Variants in AKR1C3 observed in about 807,000 individuals in gnomAD.
AKR1C3 encodes the protein 3-alpha hydroxysteroid dehydrogenase, type II.
In AKR1C3, 48 loss-of-function variants were observed where a neutral mutation model predicts 43.6. That is an observed-to-expected ratio of 1.10 (90% CI 0.87 to 1.40). The LOEUF is 1.40. AKR1C3 is among the 40% of genes most tolerant of loss of function. The pLI, the probability that AKR1C3 is intolerant of heterozygous loss-of-function variation, is 0.00. For synonymous variants in AKR1C3, 162 were observed against 139.6 expected (o/e 1.16, Z -1.13); for missense variants, 482 against 391.2 (o/e 1.23, Z -1.96).
chr10:5,077,447 T>C (rs1470149747), intron 1 of AKR1C3, among the ~76,000 whole-genome samples: 1 of 151,854 alleles, frequency 6.6e-6, no homozygotes, highest in Non-Finnish European at 1.5e-5. Context: ...TGTGGGAAAC[T>C]GGAGTTCCAC....
chr10:5,104,415 ATT>A (rs1839445555), intron 7 of AKR1C3, among the ~76,000 whole-genome samples: 2 of 152,116 alleles, frequency 1.3e-5, no homozygotes, highest in Non-Finnish European at 2.9e-5. Flanking sequence ...TGAAACATTC[ATT>A]CACAAATAAT....
rs546443262 is a variant in AKR1C3 at position 5,086,462 on chromosome 10, C to A, written c.85-9948C>A. Among the ~76,000 whole-genome samples, 9 of 151,728 alleles carry A rather than the reference C, an allele frequency of 5.9e-5. No individual in the cohort carries two copies. In the South Asian group the frequency reaches 1.9e-3, roughly 32 times the overall value. On this transcript the variant is annotated intron_variant, in intron 1 of 8. Coordinates refer to the AKR1C3 transcript ENST00000439082. ...GAGACAGTTTGTTATAATTTCTGTT[C>A]TTTTACATTTGCTGAGGAGAGCTTT... is the stretch of plus-strand genomic sequence containing the variant.
intron 8 of AKR1C3, among the ~76,000 whole-genome samples, chr10:5,106,612 A>T (rs587638543): frequency 8.5e-5 from 13 of 152,228 alleles, no homozygotes; most frequent in Non-Finnish European, 1.5e-4. Flanking sequence ...TTAGCCAGGC[A>T]TGGTGACACT....
At chr10:5,099,489 C>A (rs782613157) in intron 5 of AKR1C3, 40 bp downstream of exon 5, 19 of 1,613,370 alleles carry the variant, frequency 1.2e-5, no homozygotes, top group Non-Finnish European at 1.4e-5. Flanking sequence ...GTTCTTCATG[C>A]CCCCTCTTCC....
At chr10:5,061,872 G>A (rs1320918804) in intron 1 of AKR1C3, among the ~76,000 whole-genome samples, 2 of 152,162 alleles carry the variant, frequency 1.3e-5, no homozygotes, top group Admixed American at 6.5e-5. Flanking sequence ...AAGACAAAAT[G>A]TCTTAAAGCC....
chr10:5,063,026 G>A (rs1838414317), intron 1 of AKR1C3, among the ~76,000 whole-genome samples: 1 of 152,140 alleles, frequency 6.6e-6, no homozygotes, highest in Non-Finnish European at 1.5e-5. Flanking sequence ...CAGGATGAAG[G>A]AGAGGAAATA....
At position 5,096,350 on chromosome 10, in the gene AKR1C3, T is replaced by G. The variant is rs1839206685; in HGVS notation, c.85-60T>G. 1.9e-6 allele frequency: 3 copies of G among 1,565,098 alleles called. No individual in the cohort carries two copies. The South Asian group carries it at 3.6e-5, about 19-fold the overall frequency. The stretch of plus-strand genomic sequence containing the variant: ...ATTCTTGTATAAAAGTCAATGCTTG[T>G]GCCTGAACTACCTCTCAGCCACAGT... On this transcript the variant is annotated intron_variant, in intron 1 of 8. Coordinates refer to ENST00000380554, the MANE Select transcript of AKR1C3 (RefSeq NM_003739.6).
chr10:5,067,385 C>T (rs1185450920), intron 1 of AKR1C3, among the ~76,000 whole-genome samples: 3 of 152,114 alleles, frequency 2.0e-5, no homozygotes, highest in African/African-American at 7.2e-5. Flanking sequence ...TTAAGGGCTC[C>T]AATGAGTGTA....
chr10:5,067,251 G>T (rs1354763678), intron 1 of AKR1C3, among the ~76,000 whole-genome samples: 1 of 152,050 alleles, frequency 6.6e-6, no homozygotes, highest in Non-Finnish European at 1.5e-5. Context: ...GCATAAGCAA[G>T]AAAAAATAAT....
Position 5,096,582 on chromosome 10 carries a change from T to C in AKR1C3, c.252+5T>C, listed in dbSNP as rs2131838710. ...GACATATTCTACACTTCAAAGGTAC[T>C]GTGTCTATGATGAGCTTGTGTGCAC... On this transcript the variant is annotated splice_donor_5th_base_variant and intron_variant, in intron 2 of 8. Coordinates refer to ENST00000380554, the MANE Select transcript of AKR1C3 (RefSeq NM_003739.6). 3 of 1,612,556 alleles carry C rather than the reference T, an allele frequency of 1.9e-6. No individual in the cohort carries two copies. The highest frequency in any genetic ancestry group is 4.5e-5 in the East Asian group (2 of 44,872).
intron 5 of AKR1C3, among the ~76,000 whole-genome samples, chr10:5,101,698 CA>C (rs1839354283): frequency 6.6e-6 from 1 of 152,186 alleles, no homozygotes; most frequent in African/African-American, 2.4e-5. Flanking sequence ...CAAACATCAC[CA>C]GTGACATTTC....
chr10:5,096,336 A>C, intron 1 of AKR1C3, 74 bp from the exon 2 acceptor site: 1 of 1,527,984 alleles, frequency 6.5e-7, no homozygotes, highest in Non-Finnish European at 8.8e-7. Flanking sequence ...TTCTTGTATA[A>C]AAGTCAATGC....
intron 1 of AKR1C3, among the ~76,000 whole-genome samples, chr10:5,057,412 T>A (rs1838284371): frequency 1.3e-5 from 2 of 152,326 alleles, no homozygotes; most frequent in South Asian, 4.1e-4. Context: ...ATAATGCCTC[T>A]AGATTTTGTT....
intron 1 of AKR1C3, among the ~76,000 whole-genome samples, chr10:5,072,967 T>G (rs7078343): frequency 6.6e-6 from 1 of 152,102 alleles, no homozygotes; most frequent in Admixed American, 6.5e-5. Context: ...TTTATTTGTT[T>G]ATTTATTTAT....
chr10:5,076,509 A>C (rs897082232), intron 1 of AKR1C3, among the ~76,000 whole-genome samples: 5 of 152,196 alleles, frequency 3.3e-5, no homozygotes, highest in Non-Finnish European at 7.4e-5. Flanking sequence ...AAATGGACTA[A>C]GACACTACTT....
chr10:5,097,531 A>T lies in AKR1C3; in HGVS notation c.350A>T (p.His117Leu). The T allele has an allele frequency of 6.2e-7, 1 of 1,613,740 alleles. No homozygotes were observed. Among genetic ancestry groups the T allele is most frequent in the South Asian group, 1.1e-5 (1 of 91,078 alleles). The change falls in exon 3 of 9, where the codon CAT (histidine) becomes CTT (leucine). Residue 117 changes from histidine (H) to leucine (L), a missense_variant. Physicochemically the swap from His to Leu is moderately conservative, Grantham distance 99 (BLOSUM62 -3). Coordinates refer to ENST00000380554, the MANE Select transcript of AKR1C3 (RefSeq NM_003739.6). ...QLDYVDLYLIHSPMSLKPGEE... is the reference protein window; with the variant it reads ...QLDYVDLYLILSPMSLKPGEE... ...GACTATGTTGACCTCTATCTTATTC[A>T]TTCTCCAATGTCTCTAAAGGTATGC...
chr10:5,103,455 C>T (rs895026685), intron 7 of AKR1C3, among the ~76,000 whole-genome samples: 1 of 151,950 alleles, frequency 6.6e-6, no homozygotes, highest in Non-Finnish European at 1.5e-5. Flanking sequence ...AGATGAAAAC[C>T]ACTGATTTAC....
chr10:5,052,560 C>T (rs6601896), intron 1 of AKR1C3, among the ~76,000 whole-genome samples: 145,968 of 152,016 alleles, frequency 0.96, 70,110 homozygotes, highest in East Asian at 0.99. Context: ...CACAAAGGTT[C>T]TCCAAGTCCC....
chr10:5,087,349 T>A (rs1188461643), intron 1 of AKR1C3, among the ~76,000 whole-genome samples: 1 of 150,890 alleles, frequency 6.6e-6, no homozygotes, highest in Non-Finnish European at 1.5e-5. Context: ...TTCTCTGATA[T>A]CAGTTTTAAT....
Sources: allele counts gnomAD v4.1 joint callset (sites outside exome capture counted in the v4.1 genomes callset), GRCh38; gene constraint gnomAD v4.1.1; transcripts MANE v1.5; gene names NCBI Gene and HGNC (gene_info 2026-07-23, HGNC 2026-07-21).